The following CWC22 variants were observed in gnomAD, a reference collection of about 807,000 sequenced individuals.
The protein encoded by CWC22 is pre-mRNA-splicing factor CWC22 homolog.
A neutral mutation model predicts 117.2 loss-of-function variants in CWC22; 53 were observed. That is an observed-to-expected ratio of 0.45 (90% CI 0.36 to 0.57). CWC22 has a LOEUF of 0.57. Ranked by LOEUF, CWC22 falls within the 20% of genes least tolerant of loss-of-function variation. The pLI, the probability that CWC22 is intolerant of heterozygous loss-of-function variation, is 0.00. For missense variants in CWC22, 980 were observed against 1,068.8 expected, an observed-to-expected ratio of 0.92 and a Z score of 1.16; for synonymous variants, 360 against 355.6, an observed-to-expected ratio of 1.01 and a Z score of -0.14.
At chr2:179,969,799 G>C (rs1326717055) in intron 11 of CWC22, among the ~76,000 whole-genome samples, 1 of 152,142 alleles carries the variant, frequency 6.6e-6, no homozygotes, top group Non-Finnish European at 1.5e-5. Flanking sequence ...AAGTAGGCCT[G>C]AGTGTTAGCT....
At chr2:180,006,380 A>T (rs1165536602) in intron 1 of CWC22, among the ~76,000 whole-genome samples, 1 of 152,204 alleles carries the variant, frequency 6.6e-6, no homozygotes, top group Non-Finnish European at 1.5e-5. Flanking sequence ...AGCTCGTTAG[A>T]GAGGTGGAGC....
At chr2:179,948,839 G>A (rs760274382) in intron 19 of CWC22, among the ~76,000 whole-genome samples, 7 of 152,144 alleles carry the variant, frequency 4.6e-5, no homozygotes, top group Non-Finnish European at 7.4e-5. Flanking sequence ...TAAGAAAAAC[G>A]ACATTAGTGG....
chr2:180,006,894 C>T lies in CWC22; in HGVS notation c.-141G>A, dbSNP rs768909652. ...GCTTGGACCTAGCCGCTCTCACACC[C>T]CTCTTGCGGGCCCGAGCGTAGCGAG... On this transcript the variant is annotated 5_prime_UTR_variant, in exon 1 of 20. Transcript: ENST00000410053. The T allele has an allele frequency of 2.0e-5, 3 of 152,506 alleles. No homozygotes were observed. The highest frequency in any genetic ancestry group is 4.4e-5 in the Non-Finnish European group (3 of 68,288). The allele number at this position is 152,506 out of a possible 1,614,324, so 9.4% of individuals were successfully genotyped here. A position where few individuals can be genotyped will look rare whatever the true frequency, so the allele number is the denominator to read the frequency against.
intron 4 of CWC22, among the ~76,000 whole-genome samples, chr2:179,986,142 C>T (rs1687413372): frequency 6.6e-6 from 1 of 152,012 alleles, no homozygotes; most frequent in Admixed American, 6.6e-5. Context: ...ATTTCTCAAC[C>T]AAGGAAATAT....
At chr2:180,002,817 G>A (rs530267893) in intron 1 of CWC22, among the ~76,000 whole-genome samples, 1 of 152,352 alleles carries the variant, frequency 6.6e-6, no homozygotes, top group Admixed American at 6.5e-5. Context: ...AAGACTCAGA[G>A]ACAGAGAATT....
intron 14 of CWC22, 148 bp from the exon 15 acceptor site, chr2:179,955,182 C>G: frequency 1.7e-6 from 1 of 594,412 alleles, no homozygotes; most frequent in South Asian, 2.5e-5. Context: ...AAACCTCAAT[C>G]TATGTTAAAC....
intron 17 of CWC22, among the ~76,000 whole-genome samples, chr2:179,951,232 G>C (rs1686440282): frequency 6.6e-6 from 1 of 151,670 alleles, no homozygotes; most frequent in East Asian, 1.9e-4. Context: ...AATATATATA[G>C]TGTATATATA....
intron 12 of CWC22, 60 bp downstream of exon 12, chr2:179,965,818 T>C: frequency 8.0e-7 from 1 of 1,245,896 alleles, no homozygotes; most frequent in Non-Finnish European, 1.1e-6. Flanking sequence ...TTTTAGAAGA[T>C]TACATTAGAA....
intron 14 of CWC22, among the ~76,000 whole-genome samples, chr2:179,955,348 T>C (rs930179601): frequency 1.3e-5 from 2 of 151,992 alleles, no homozygotes; most frequent in Admixed American, 1.3e-4. Flanking sequence ...TTTAATACAC[T>C]GCATTCTTAA....
At chr2:179,993,621 C>T (rs1275682844) in intron 1 of CWC22, among the ~76,000 whole-genome samples, 167 bp from the exon 2 acceptor site, 1 of 151,534 alleles carries the variant, frequency 6.6e-6, no homozygotes, top group East Asian at 1.9e-4. Flanking sequence ...ATAATGTATA[C>T]CTAACACATA....
At position 179,970,492 on chromosome 2, in the gene CWC22, T is replaced by G. The variant is rs1041640740; in HGVS notation, c.1210+9A>C. 5 of 1,518,186 alleles carry G rather than the reference T, an allele frequency of 3.3e-6. No individual in the cohort carries two copies. The highest frequency in any genetic ancestry group is 1.9e-4 in the Middle Eastern group (1 of 5,376). The allele number at this position is 1,518,186 out of a possible 1,614,324, so 94.0% of individuals were successfully genotyped here. ...TCCAAACTAAATTATTTTATAAAAT[T>G]TTACATACCTTTCTTAATAGCTTTG... On this transcript the variant is annotated intron_variant, in intron 11 of 19. Transcript: ENST00000410053.
chr2:179,975,096 A>C (rs1687124642), intron 6 of CWC22, among the ~76,000 whole-genome samples: 1 of 152,342 alleles, frequency 6.6e-6, no homozygotes, highest in South Asian at 2.1e-4. Context: ...GTAAAATGAC[A>C]TGAGAAAACA....
In CWC22 at chr2:179,970,548, T is replaced by A; in HGVS notation, c.1163A>T (p.Asp388Val). 6.5e-7 allele frequency: 1 copy of A among 1,547,174 alleles called. No homozygotes were observed. Among genetic ancestry groups the A allele is most frequent in the Admixed American group, 2.0e-5 (1 of 50,834 alleles). Residue 388 changes from aspartate (D) to valine (V), a missense_variant, in exon 11 of 20, where the codon GAT (aspartate) becomes GTT (valine). This residue lies in a region of CWC22 where 559 missense variants were observed against 602.3 expected (regional missense o/e 0.93). Coordinates refer to ENST00000410053, the MANE Select transcript of CWC22 (RefSeq NM_020943.3). ...CTCTTCATTCTCCATAAAATTAGGA[T>A]CCATCTTGAAAACATCTAAAAAAAA... ...PEDVLNVFKM[D>V]PNFMENEEKY...
At chr2:179,987,135 CT>C (rs1687438808) in intron 3 of CWC22, among the ~76,000 whole-genome samples, 1 of 152,144 alleles carries the variant, frequency 6.6e-6, no homozygotes, top group South Asian at 2.1e-4. Context: ...CAAATGACTC[CT>C]TTTGCTTAGT....
chr2:179,979,869 T>C (rs571270089), intron 5 of CWC22, among the ~76,000 whole-genome samples: 7 of 152,296 alleles, frequency 4.6e-5, no homozygotes, highest in African/African-American at 1.7e-4. Context: ...AACGGCTACA[T>C]CAAATACAAT....
intron 7 of CWC22, 119 bp downstream of exon 7, chr2:179,973,515 G>T: frequency 1.4e-6 from 1 of 729,810 alleles, no homozygotes; most frequent in Non-Finnish European, 2.2e-6. Context: ...ATGAAAGACA[G>T]TTTTTAAAAA....
Position 179,970,510 on chromosome 2 carries a change from T to A in CWC22, c.1201A>T (p.Ile401Phe). The stretch of plus-strand genomic sequence containing the variant: ...ATAAAATTTTACATACCTTTCTTAA[T>A]AGCTTTGTACTTCTCTTCATTCTCC... ...FMENEEKYKA[I>F]KKEILDEGDT... The change falls in exon 11 of 20, where the codon ATT becomes TTT. Residue 401 changes from isoleucine to phenylalanine, a missense_variant. Physicochemically the swap from Ile to Phe is conservative, Grantham distance 21. Transcript: ENST00000410053. The A allele has an allele frequency of 6.5e-7, 1 of 1,533,552 alleles. No individual in the cohort carries two copies. The highest frequency in any genetic ancestry group is 8.8e-7 in the Non-Finnish European group (1 of 1,134,204). The allele number at this position is 1,533,552 out of a possible 1,614,324, so 95.0% of individuals were successfully genotyped here.
intron 19 of CWC22, among the ~76,000 whole-genome samples, chr2:179,947,380 T>C (rs1243605240): frequency 6.6e-6 from 1 of 152,210 alleles, no homozygotes; most frequent in Admixed American, 6.5e-5. Flanking sequence ...CGGGCTTTAC[T>C]GATATTAAAA....
rs1686272177 is a variant in CWC22 at position 179,945,589 on chromosome 2, G to A, written c.2267C>T (p.Thr756Ile). The change falls in exon 20 of 20, where the codon ACA becomes ATA. Residue 756 changes from threonine to isoleucine, a missense_variant. Thr to Ile is a moderately conservative substitution (Grantham distance 89). This residue lies in a region of CWC22 where 306 missense variants were observed against 296.8 expected (regional missense o/e 1.03). Transcript: ENST00000410053. ...ERRQEHGHQE[T>I]RTERERRSEK... ...TGACCTTCTTTCTCTCTCAGTCCTT[G>A]TTTCCTGGTGCCCGTGTTCTTGTCT... 1.9e-6 allele frequency: 3 copies of A among 1,613,404 alleles called. No homozygotes were observed. Among genetic ancestry groups the A allele is most frequent in the Non-Finnish European group, 2.5e-6 (3 of 1,179,706 alleles).
Sources: gnomAD v4.1 joint callset for allele counts (sites outside exome capture counted in the v4.1 genomes callset) on GRCh38, gnomAD v4.1.1 for gene constraint, gnomAD v4.1.1 regional missense constraint, MANE v1.5 for transcripts, NCBI Gene and HGNC (gene_info 2026-07-23, HGNC 2026-07-21) for gene names.